CTCF: variants seen among roughly 807,000 people sequenced by gnomAD.
CTCF encodes the protein transcriptional repressor CTCF.
Under a neutral mutation model 72.3 loss-of-function variants are expected in CTCF, and 7 were observed. The ratio of observed to expected loss-of-function variants is 0.10; its 90% CI spans 0.06 to 0.18. The LOEUF (loss-of-function observed/expected upper bound fraction) is 0.18, where lower values mean the gene tolerates loss of function less well. Ranked by LOEUF, CTCF falls within the 10% of genes least tolerant of loss-of-function variation. CTCF has a pLI of 1.00. For missense variants in CTCF, 516 were observed against 949.1 expected (o/e 0.54, Z 6.00); for synonymous variants, 374 against 315.8 (o/e 1.18, Z -1.95).
chr16:67,621,716 C>A, intron 7 of CTCF, 125 bp downstream of exon 7: 11 of 508,476 alleles, frequency 2.2e-5, no homozygotes, highest in South Asian at 3.6e-5. Context: ...AATGGCCTGT[C>A]ACTTAGTTTA....
chr16:67,599,135 G>A (rs1329879804), intron 2 of CTCF, among the ~76,000 whole-genome samples: 4 of 152,320 alleles, frequency 2.6e-5, no homozygotes, highest in Admixed American at 1.3e-4. Flanking sequence ...GGTGGCTCAC[G>A]CCTGTAATCC....
At chr16:67,596,236 G>A (rs1259664269) in intron 2 of CTCF, among the ~76,000 whole-genome samples, 1 of 152,226 alleles carries the variant, frequency 6.6e-6, no homozygotes, top group Non-Finnish European at 1.5e-5. Flanking sequence ...ACAGGCATGA[G>A]CCACCATGCC....
intron 5 of CTCF, among the ~76,000 whole-genome samples, chr16:67,619,756 G>A (rs1214741829): frequency 1.3e-5 from 2 of 152,092 alleles, no homozygotes; most frequent in Non-Finnish European, 2.9e-5. Flanking sequence ...ACTAATTTTT[G>A]TATTTTTTGT....
At chr16:67,591,885 T>A (rs963910554) in intron 2 of CTCF, among the ~76,000 whole-genome samples, 8 of 151,986 alleles carry the variant, frequency 5.3e-5, no homozygotes, top group Non-Finnish European at 1.0e-4. Context: ...ATTTTTTTTT[T>A]AATTTTTAAT....
intron 5 of CTCF, 43 bp from the exon 6 acceptor site, chr16:67,620,654 C>A (rs755811824): frequency 6.8e-7 from 1 of 1,477,522 alleles, no homozygotes; most frequent in Admixed American, 1.8e-5. Flanking sequence ...TTGTTACAGT[C>A]TGTGTTAACA....
At chr16:67,597,584 G>A (rs375750268) in intron 2 of CTCF, among the ~76,000 whole-genome samples, 4 of 152,228 alleles carry the variant, frequency 2.6e-5, no homozygotes, top group South Asian at 2.1e-4. Context: ...TTATCCACCC[G>A]CCTTGGCCTC....
chr16:67,630,968 A>C (rs898323740), intron 10 of CTCF, among the ~76,000 whole-genome samples: 3 of 152,064 alleles, frequency 2.0e-5, no homozygotes, highest in Non-Finnish European at 4.4e-5. Flanking sequence ...GGTTTTAGGA[A>C]ATGGACTTCC....
At chr16:67,598,885 C>G (rs184977694) in intron 2 of CTCF, among the ~76,000 whole-genome samples, 1 of 152,346 alleles carries the variant, frequency 6.6e-6, no homozygotes, top group East Asian at 1.9e-4. Context: ...AAGGCCATTG[C>G]TGGCCTCAGA....
At chr16:67,624,794 A>T (rs1295709735) in intron 7 of CTCF, among the ~76,000 whole-genome samples, 1 of 150,584 alleles carries the variant, frequency 6.6e-6, no homozygotes, top group Admixed American at 6.6e-5. Context: ...GGGTTTCACT[A>T]TGTTGCCCAG....
At chr16:67,581,524 G>C (rs1336792365) in intron 2 of CTCF, among the ~76,000 whole-genome samples, 1 of 151,714 alleles carries the variant, frequency 6.6e-6, no homozygotes, top group Non-Finnish European at 1.5e-5. Flanking sequence ...ATCTTTTTCA[G>C]ACAGAGTCTT....
At chr16:67,595,593 C>A (rs1239139859) in intron 2 of CTCF, among the ~76,000 whole-genome samples, 1 of 152,140 alleles carries the variant, frequency 6.6e-6, no homozygotes, top group Non-Finnish European at 1.5e-5. Context: ...TGGCAGTTGG[C>A]ACCATGCATG....
intron 2 of CTCF, among the ~76,000 whole-genome samples, chr16:67,607,912 C>T (rs1421307076): frequency 1.3e-5 from 2 of 148,656 alleles, no homozygotes; most frequent in Non-Finnish European, 3.0e-5. Context: ...CCAACTACTC[C>T]GGAGGCTGAA....
At chr16:67,619,225 C>A (rs1355609667) in intron 5 of CTCF, among the ~76,000 whole-genome samples, 1 of 152,152 alleles carries the variant, frequency 6.6e-6, no homozygotes, top group African/African-American at 2.4e-5. Flanking sequence ...CACCTGAGAT[C>A]AAGAGTTTGA....
At chr16:67,629,806 G>T (rs71393958) in intron 10 of CTCF, among the ~76,000 whole-genome samples, 2 of 93,112 alleles carry the variant, frequency 2.1e-5, no homozygotes, top group Non-Finnish European at 3.8e-5. Context: ...ACGGAGTCTC[G>T]CTCTGTCGCC....
chr16:67,580,142 T>C (rs1350164284), intron 2 of CTCF, among the ~76,000 whole-genome samples: 1 of 152,226 alleles, frequency 6.6e-6, no homozygotes, highest in African/African-American at 2.4e-5. Flanking sequence ...ATGCAAGATG[T>C]AATGCTGTCC....
In CTCF at chr16:67,633,814, A is replaced by T. The variant is rs533527893; in HGVS notation, c.1838-2876A>T. ...CACACACACACACACACACACACACACTCTCACTCACTCACTCTTACCCTT... is the reference window on the plus strand; with the variant it reads ...CACACACACACACACACACACACACTCTCTCACTCACTCACTCTTACCCTT... On this transcript the variant is annotated intron_variant, in intron 10 of 11. Transcript: ENST00000264010. Among the ~76,000 whole-genome samples the T allele has an allele frequency of 7.5e-3, 1,112 of 148,060 alleles. 16 individuals carry two copies. Among genetic ancestry groups the T allele is most frequent in the African/African-American group, 0.026 (1,051 of 39,668 alleles).
At chr16:67,613,779 AAAAT>A (rs569094850) in intron 4 of CTCF, among the ~76,000 whole-genome samples, 30 of 152,216 alleles carry the variant, frequency 2.0e-4, no homozygotes, top group Admixed American at 6.5e-4. Flanking sequence ...CTGCCTCACC[AAAAT>A]AAATAAATAA....
intron 2 of CTCF, among the ~76,000 whole-genome samples, chr16:67,582,855 G>C (rs2051605426): frequency 6.6e-6 from 1 of 151,922 alleles, no homozygotes; most frequent in Non-Finnish European, 1.5e-5. Context: ...CTTACAGATA[G>C]GGTGACATAG....
chr16:67,595,901 T>G (rs957377310), intron 2 of CTCF, among the ~76,000 whole-genome samples: 2 of 152,192 alleles, frequency 1.3e-5, no homozygotes, highest in Non-Finnish European at 2.9e-5. Context: ...TGTGCTAGTT[T>G]CACTGCACCA....
Sources: allele counts gnomAD v4.1 joint callset (sites outside exome capture counted in the v4.1 genomes callset), GRCh38; gene constraint gnomAD v4.1.1; transcripts MANE v1.5; gene names NCBI Gene and HGNC (gene_info 2026-07-23, HGNC 2026-07-21).